The following ZHX2 variants were observed in gnomAD, a reference collection of about 807,000 sequenced individuals.
ZHX2 encodes the protein zinc fingers and homeoboxes protein 2.
A neutral mutation model predicts 21.9 loss-of-function variants in ZHX2; 6 were observed. That is an observed-to-expected ratio of 0.27 (90% CI 0.15 to 0.54). ZHX2 has a LOEUF of 0.54. ZHX2 is among the 20% of genes least tolerant of loss of function. The pLI, the probability that ZHX2 is intolerant of heterozygous loss-of-function variation, is 0.95. For synonymous variants in ZHX2, 434 were observed against 437.1 expected (o/e 0.99, Z 0.09); for missense variants, 908 against 1,090.7 (o/e 0.83, Z 2.36).
At chr8:122,858,406 C>A (rs1819081442) in intron 1 of ZHX2, among the ~76,000 whole-genome samples, 1 of 152,170 alleles carries the variant, frequency 6.6e-6, no homozygotes, top group Non-Finnish European at 1.5e-5. Context: ...CCTGGTTCGC[C>A]CCCTTCTGGT....
chr8:122,787,088 G>GGT (rs35726514), intron 1 of ZHX2, among the ~76,000 whole-genome samples: 66,648 of 148,318 alleles, frequency 0.45, 14,696 homozygotes, highest in Middle Eastern at 0.53. Context: ...GATTGGCAGT[G>GGT]GTGTGTGTGT....
At chr8:122,860,664 G>T (rs1425570505) in intron 1 of ZHX2, among the ~76,000 whole-genome samples, 1 of 152,184 alleles carries the variant, frequency 6.6e-6, no homozygotes, top group African/African-American at 2.4e-5. Context: ...GTTTGAGGCA[G>T]CCGAGTTATG....
At chr8:122,868,830 A>G (rs1004227810) in intron 2 of ZHX2, among the ~76,000 whole-genome samples, 18 of 152,184 alleles carry the variant, frequency 1.2e-4, no homozygotes, top group Non-Finnish European at 2.1e-4. Flanking sequence ...ACTGCACTTC[A>G]GCCTGGGCAA....
At chr8:122,877,576 C>A (rs1819600177) in intron 2 of ZHX2, among the ~76,000 whole-genome samples, 1 of 152,164 alleles carries the variant, frequency 6.6e-6, no homozygotes, top group African/African-American at 2.4e-5. Flanking sequence ...GGATTTGAAT[C>A]CAGCTTCATC....
At chr8:122,788,705 G>A (rs774864900) in intron 1 of ZHX2, among the ~76,000 whole-genome samples, 1 of 152,202 alleles carries the variant, frequency 6.6e-6, no homozygotes. Context: ...GTTATTGTAC[G>A]TAAGTCTTCT....
At chr8:122,914,875 C>T (rs1820561338) in intron 2 of ZHX2, among the ~76,000 whole-genome samples, 1 of 152,142 alleles carries the variant, frequency 6.6e-6, no homozygotes, top group Non-Finnish European at 1.5e-5. Flanking sequence ...TAAGATTGTT[C>T]CTGCTGCATT....
intron 1 of ZHX2, among the ~76,000 whole-genome samples, chr8:122,840,463 C>T (rs1818599807): frequency 6.6e-6 from 1 of 152,178 alleles, no homozygotes; most frequent in Non-Finnish European, 1.5e-5. Flanking sequence ...ATAGTATCTA[C>T]CTTAAAGGGC....
At chr8:122,896,181 C>T (rs1015691475) in intron 2 of ZHX2, among the ~76,000 whole-genome samples, 1 of 152,042 alleles carries the variant, frequency 6.6e-6, no homozygotes, top group Admixed American at 6.5e-5. Context: ...CTTCTGTTCT[C>T]CCTGGGCTGA....
chr8:122,852,635 T>C (rs1323306885), intron 1 of ZHX2, among the ~76,000 whole-genome samples: 1 of 152,106 alleles, frequency 6.6e-6, no homozygotes, highest in Non-Finnish European at 1.5e-5. Flanking sequence ...TGTCATAGTT[T>C]CCAGCTCGAA....
chr8:122,895,048 G>T (rs538007250), intron 2 of ZHX2, among the ~76,000 whole-genome samples: 2 of 152,306 alleles, frequency 1.3e-5, no homozygotes, highest in African/African-American at 4.8e-5. Flanking sequence ...TTCAGCTGTA[G>T]CCTCTTGTAA....
intron 1 of ZHX2, among the ~76,000 whole-genome samples, chr8:122,857,883 A>G (rs1819064029): frequency 6.6e-6 from 1 of 152,262 alleles, no homozygotes; most frequent in South Asian, 2.1e-4. Flanking sequence ...CTCCTGGAAC[A>G]GAGCCATGTG....
At chr8:122,927,589 G>A (rs184107917) in intron 2 of ZHX2, among the ~76,000 whole-genome samples, 13 of 152,166 alleles carry the variant, frequency 8.5e-5, no homozygotes, top group Admixed American at 1.3e-4. Flanking sequence ...CAATCATGGC[G>A]AAAGAGCAAG....
intron 2 of ZHX2, among the ~76,000 whole-genome samples, chr8:122,907,951 ATC>A (rs931206950): frequency 1.3e-5 from 2 of 152,128 alleles, no homozygotes. Context: ...CAAATATGTG[ATC>A]TCCAGACAGT....
intron 1 of ZHX2, among the ~76,000 whole-genome samples, chr8:122,824,037 T>C (rs1426557221): frequency 1.3e-5 from 2 of 152,158 alleles, no homozygotes; most frequent in Admixed American, 6.5e-5. Context: ...AACTCCTCCA[T>C]ATATAATTCT....
rs771543770 is a variant in ZHX2 at position 122,953,549 on chromosome 8, G to T, written c.2039G>T (p.Arg680Ile). Residue 680 changes from arginine (R) to isoleucine (I), a missense_variant, in exon 3 of 4, where the codon AGA becomes ATA. Arg to Ile is a moderately conservative substitution (Grantham distance 97). Transcript: ENST00000314393. The surrounding 1 kb of genome is among the most constrained non-coding windows in gnomAD (Gnocchi z 4.6). ...ATTGTGCGTTGGTTCAAGGAGAACAGATGCTTGCTGAAAACGGGAACCGTG... is the reference window on the plus strand; with the variant it reads ...ATTGTGCGTTGGTTCAAGGAGAACATATGCTTGCTGAAAACGGGAACCGTG... The part of the protein sequence containing the change: ...TEIVRWFKEN[R>I]CLLKTGTVKW... The T allele has an allele frequency of 1.9e-6, 3 of 1,614,270 alleles. No homozygotes were observed. The highest frequency in any genetic ancestry group is 2.5e-6 in the Non-Finnish European group (3 of 1,180,056).
chr8:122,820,315 C>CT (rs1818116696), intron 1 of ZHX2, among the ~76,000 whole-genome samples: 1 of 152,152 alleles, frequency 6.6e-6, no homozygotes, highest in African/African-American at 2.4e-5. Flanking sequence ...GCCAGGCTGC[C>CT]TTGGGCCCCT....
At chr8:122,965,823 G>A (rs1813573127) in intron 3 of ZHX2, among the ~76,000 whole-genome samples, 1 of 151,858 alleles carries the variant, frequency 6.6e-6, no homozygotes, top group African/African-American at 2.4e-5. Flanking sequence ...TATAAATTTG[G>A]GAGCTCTAGT....
intron 1 of ZHX2, among the ~76,000 whole-genome samples, chr8:122,795,072 C>T (rs1817592747): frequency 6.6e-6 from 1 of 152,218 alleles, no homozygotes; most frequent in South Asian, 2.1e-4. Flanking sequence ...ACAGGGCTGG[C>T]CCACTTCATA....
chr8:122,966,624 A>G (rs1813592329), intron 3 of ZHX2, among the ~76,000 whole-genome samples: 1 of 152,152 alleles, frequency 6.6e-6, no homozygotes, highest in Admixed American at 6.5e-5. Flanking sequence ...CCTGATGACC[A>G]TGTGCCTAGG....
Sources: allele counts gnomAD v4.1 joint callset (sites outside exome capture counted in the v4.1 genomes callset), GRCh38; gene constraint gnomAD v4.1.1; non-coding constraint Gnocchi (gnomAD v3.1); transcripts MANE v1.5; gene names NCBI Gene and HGNC (gene_info 2026-07-23, HGNC 2026-07-21).